GRM7: variants seen among roughly 807,000 people sequenced by gnomAD.
GRM7 encodes glutamate metabotropic receptor 7.
A neutral mutation model predicts 84.5 loss-of-function variants in GRM7; 35 were observed. That is an observed-to-expected ratio of 0.41 (90% CI 0.32 to 0.55). The LOEUF is 0.55. Among genes scored for constraint, GRM7 ranks in the 20% least tolerant of loss-of-function variants. The pLI is 0.19. For synonymous variants in GRM7, 487 were observed against 455.1 expected (o/e 1.07, Z -0.89); for missense variants, 1,003 against 1,194.6 (o/e 0.84, Z 2.36).
At chr3:7,667,886 G>T (rs1368437022) in intron 8 of GRM7, among the ~76,000 whole-genome samples, 1 of 148,104 alleles carries the variant, frequency 6.8e-6, no homozygotes, top group Non-Finnish European at 1.5e-5. Flanking sequence ...AAACTTCAAC[G>T]CCTGAACTCA....
At chr3:7,478,701 G>A (rs146796843) in intron 7 of GRM7, among the ~76,000 whole-genome samples, 1 of 149,198 alleles carries the variant, frequency 6.7e-6, no homozygotes, top group Non-Finnish European at 1.5e-5. Context: ...GAACAGTAGG[G>A]AACACTGGAG....
In GRM7 at chr3:7,584,580, G is replaced by A. The variant is rs368990975; in HGVS notation, c.2451+5223G>A. Among the ~76,000 whole-genome samples, 162 of 152,316 alleles carry A rather than the reference G, an allele frequency of 1.1e-3. No individual in the cohort carries two copies. In the Middle Eastern group the frequency reaches 0.014, roughly 13 times the overall value. On this transcript the variant is annotated intron_variant, in intron 8 of 9. Transcript: ENST00000357716. ...AAGTTTCTAAATGTGGGAGAAATGT[G>A]AGCATAGGGTATTTTGAAATGGGAA...
chr3:7,011,940 T>G (rs1695384007), intron 1 of GRM7, among the ~76,000 whole-genome samples: 1 of 152,194 alleles, frequency 6.6e-6, no homozygotes, highest in Non-Finnish European at 1.5e-5. Flanking sequence ...GTCCTTTGTC[T>G]TGCAAATGAA....
intron 1 of GRM7, among the ~76,000 whole-genome samples, chr3:6,935,531 C>T (rs897693501): frequency 6.6e-5 from 10 of 151,822 alleles, no homozygotes; most frequent in Non-Finnish European, 1.2e-4. Flanking sequence ...TCTAAATTCA[C>T]CCTTTTTACC....
At position 7,713,138 on chromosome 3, in the gene GRM7, T is replaced by G. The variant is rs1321346913; in HGVS notation, c.2699-27219T>G. On this transcript the variant is annotated intron_variant, in intron 9 of 9. Coordinates refer to ENST00000357716, the MANE Select transcript of GRM7 (RefSeq NM_000844.4). ...AATTTTGTTTTGTTTTTTTTTTTTTTTTTTTTTTTTTTTTGAGACAATCTT... is the reference window on the plus strand; with the variant it reads ...AATTTTGTTTTGTTTTTTTTTTTTTGTTTTTTTTTTTTTTGAGACAATCTT... Among the ~76,000 whole-genome samples the G allele has an allele frequency of 9.1e-4, 129 of 142,486 alleles. 4 individuals are homozygous for G. The highest frequency in any genetic ancestry group is 1.2e-3 in the African/African-American group (46 of 38,604). 93.5% of individuals were successfully genotyped at this position (142,486 alleles called of 152,430 possible).
chr3:7,292,414 A>T (rs1699663912), intron 2 of GRM7, among the ~76,000 whole-genome samples: 1 of 152,192 alleles, frequency 6.6e-6, no homozygotes, highest in African/African-American at 2.4e-5. Flanking sequence ...AGCTTAAAGT[A>T]TTGAAAGATG....
intron 7 of GRM7, among the ~76,000 whole-genome samples, chr3:7,499,036 G>A (rs766383021): frequency 3.9e-5 from 6 of 152,200 alleles, no homozygotes; most frequent in Admixed American, 6.5e-5. Flanking sequence ...CTGCTAGGCA[G>A]TTCTTGCTCA....
At chr3:7,240,296 A>G (rs868219866) in intron 2 of GRM7, among the ~76,000 whole-genome samples, 27 of 151,578 alleles carry the variant, frequency 1.8e-4, no homozygotes, top group African/African-American at 6.5e-4. Flanking sequence ...GCTTGCATGG[A>G]CTTGTGATAG....
intron 1 of GRM7, among the ~76,000 whole-genome samples, chr3:7,078,878 G>C (rs1324260929): frequency 1.3e-5 from 2 of 149,054 alleles, no homozygotes. Flanking sequence ...TTTCTTTGCT[G>C]TGGTAAGTAG....
intron 8 of GRM7, among the ~76,000 whole-genome samples, chr3:7,616,940 T>C (rs969841574): frequency 1.3e-5 from 2 of 152,124 alleles, no homozygotes; most frequent in Non-Finnish European, 2.9e-5. Context: ...GTAATGGAAT[T>C]AAACTAAGTC....
intron 1 of GRM7, among the ~76,000 whole-genome samples, chr3:7,002,871 A>G (rs774069620): frequency 5.4e-4 from 82 of 152,182 alleles, no homozygotes; most frequent in Non-Finnish European, 7.1e-4. Context: ...GATAAAGAAA[A>G]TGTGGTATAT....
intron 1 of GRM7, among the ~76,000 whole-genome samples, chr3:7,145,202 A>G (rs1448041601): frequency 6.6e-6 from 1 of 152,128 alleles, no homozygotes; most frequent in African/African-American, 2.4e-5. Context: ...TGGTCTGAGA[A>G]AAGATCAACT....
intron 7 of GRM7, among the ~76,000 whole-genome samples, chr3:7,502,695 G>T (rs1699920380): frequency 6.6e-6 from 1 of 152,154 alleles, no homozygotes; most frequent in African/African-American, 2.4e-5. Context: ...GAGAAACTCA[G>T]AGAAAATGGA....
intron 2 of GRM7, among the ~76,000 whole-genome samples, chr3:7,282,406 C>G (rs570784122): frequency 2.6e-5 from 4 of 152,292 alleles, no homozygotes; most frequent in African/African-American, 9.6e-5. Context: ...ATGGCTCTCG[C>G]CTATCCACAA....
At chr3:6,926,837 GT>G (rs1421482005) in intron 1 of GRM7, among the ~76,000 whole-genome samples, 1 of 152,092 alleles carries the variant, frequency 6.6e-6, no homozygotes, top group Non-Finnish European at 1.5e-5. Context: ...CATATTTTCC[GT>G]TTTGTGAATA....
chr3:7,730,962 C>A (rs1281340248), intron 9 of GRM7, among the ~76,000 whole-genome samples: 24 of 152,092 alleles, frequency 1.6e-4, no homozygotes, highest in Non-Finnish European at 5.9e-5. Flanking sequence ...TTTAACTTAG[C>A]CAAGCTTAAA....
chr3:6,906,938 G>T (rs557855446), intron 1 of GRM7, among the ~76,000 whole-genome samples: 3 of 152,016 alleles, frequency 2.0e-5, no homozygotes, highest in Non-Finnish European at 2.9e-5. Flanking sequence ...GGACATATGC[G>T]AACACCCATT....
chr3:7,311,323 ACTTCCCTCTT>A (rs973429141), intron 4 of GRM7, among the ~76,000 whole-genome samples: 1 of 152,106 alleles, frequency 6.6e-6, no homozygotes, highest in African/African-American at 2.4e-5. Context: ...GAAAAGACAA[ACTTCCCTCTT>A]CCAAGGCCAG....
At chr3:7,142,436 C>T (rs1693976666) in intron 1 of GRM7, among the ~76,000 whole-genome samples, 1 of 151,972 alleles carries the variant, frequency 6.6e-6, no homozygotes, top group Non-Finnish European at 1.5e-5. Flanking sequence ...AGGGCACCTT[C>T]TTCACAAGGC....
Sources: gnomAD v4.1 joint callset for allele counts (sites outside exome capture counted in the v4.1 genomes callset) on GRCh38, gnomAD v4.1.1 for gene constraint, MANE v1.5 for transcripts, NCBI Gene and HGNC (gene_info 2026-07-23, HGNC 2026-07-21) for gene names.